The following TSHR variants were observed in gnomAD, a reference collection of about 807,000 sequenced individuals.
TSHR encodes the protein thyrotropin receptor.
TSHR carries 51 observed loss-of-function variants against 64.1 expected under a neutral mutation model. The ratio of observed to expected loss-of-function variants is 0.80; its 90% CI spans 0.64 to 1.01. The LOEUF (loss-of-function observed/expected upper bound fraction) is 1.01. TSHR is among the 50% of genes least tolerant of loss of function. The probability of loss-of-function intolerance (pLI) is 0.00; values close to 1 mark genes in which losing one functional copy is unlikely to be tolerated. For synonymous variants in TSHR, 361 were observed against 361.9 expected (o/e 1.00, Z 0.03); for missense variants, 877 against 942.8 (o/e 0.93, Z 0.91).
intron 9 of TSHR, among the ~76,000 whole-genome samples, chr14:81,142,365 G>A (rs1022482500): frequency 1.3e-5 from 2 of 151,472 alleles, no homozygotes; most frequent in Non-Finnish European, 2.9e-5. Flanking sequence ...AGTCACTACA[G>A]GTGTGAGCCA....
At chr14:81,031,601 T>G (rs1884350482) in intron 1 of TSHR, among the ~76,000 whole-genome samples, 1 of 152,192 alleles carries the variant, frequency 6.6e-6, no homozygotes, top group Non-Finnish European at 1.5e-5. Context: ...ATTATCCCTG[T>G]GATCCTTCGT....
intron 8 of TSHR, among the ~76,000 whole-genome samples, chr14:81,139,008 GA>G (rs1278345826): frequency 3.3e-5 from 5 of 152,124 alleles, no homozygotes; most frequent in African/African-American, 7.2e-5. Flanking sequence ...TTCCCAGCCT[GA>G]CCACCACCCC....
chr14:80,972,754 G>A lies in TSHR; in HGVS notation c.170+16904G>A, dbSNP rs147719358. On this transcript the variant is annotated intron_variant, in intron 1 of 9. Coordinates refer to ENST00000298171, the MANE Select transcript of TSHR (RefSeq NM_000369.5). ...TCAAAGGGGAGCTCGTGCCGATTAA[G>A]CAGTCATTCCCCATTCCCCACTCCT... is the stretch of plus-strand genomic sequence containing the variant. Among the ~76,000 whole-genome samples, 39 of 152,258 alleles carry A rather than the reference G, an allele frequency of 2.6e-4. 1 individual carries two copies. The highest frequency in any genetic ancestry group is 8.9e-4 in the African/African-American group (37 of 41,550).
chr14:81,114,662 C>G (rs572586594), intron 8 of TSHR, among the ~76,000 whole-genome samples: 148 of 152,332 alleles, frequency 9.7e-4, no homozygotes, highest in African/African-American at 3.4e-3. Context: ...GAAGCTCGAA[C>G]TGGGTGGAGC....
chr14:81,091,992 GAA>G (rs573790846), intron 5 of TSHR, among the ~76,000 whole-genome samples: 84 of 151,668 alleles, frequency 5.5e-4, no homozygotes, highest in African/African-American at 2.0e-3. Context: ...GGTTTTGCTA[GAA>G]AAAAAAATTG....
At chr14:80,976,469 T>G (rs899706980) in intron 1 of TSHR, among the ~76,000 whole-genome samples, 5 of 152,196 alleles carry the variant, frequency 3.3e-5, no homozygotes, top group African/African-American at 1.2e-4. Flanking sequence ...CTGCTGGTCT[T>G]GATGACTTAT....
chr14:80,966,049 A>T (rs944343100), intron 1 of TSHR, among the ~76,000 whole-genome samples: 7 of 152,216 alleles, frequency 4.6e-5, no homozygotes, highest in Non-Finnish European at 1.0e-4. Context: ...CTCTGTATTT[A>T]TATGACACAT....
chr14:81,120,068 T>C (rs1292558427), intron 8 of TSHR, among the ~76,000 whole-genome samples: 1 of 131,982 alleles, frequency 7.6e-6, no homozygotes. Context: ...TTGGGAGATA[T>C]ACCTAATGCT....
intron 1 of TSHR, among the ~76,000 whole-genome samples, chr14:81,019,753 T>G (rs1014592870): frequency 6.6e-6 from 1 of 152,182 alleles, no homozygotes; most frequent in Non-Finnish European, 1.5e-5. Flanking sequence ...AATGATGGTT[T>G]CCAGCTTCAC....
At chr14:81,074,482 G>A (rs1887345367) in intron 3 of TSHR, among the ~76,000 whole-genome samples, 2 of 152,124 alleles carry the variant, frequency 1.3e-5, no homozygotes, top group Admixed American at 1.3e-4. Context: ...ATGGTTTTGT[G>A]GGTATAAGGC....
intron 8 of TSHR, among the ~76,000 whole-genome samples, chr14:81,131,955 T>C (rs1240371948): frequency 1.4e-5 from 2 of 144,726 alleles, no homozygotes; most frequent in Admixed American, 6.7e-5. Flanking sequence ...AGAACTATAC[T>C]TGAGACATAG....
chr14:80,983,296 C>A, intron 1 of TSHR: 2 of 1,160,540 alleles, frequency 1.7e-6, no homozygotes, highest in Non-Finnish European at 1.2e-6. Flanking sequence ...CAACTGACTA[C>A]TGATTTTGTC....
Position 81,145,734 on chromosome 14 carries a change from C to T in TSHR, c.*1381C>T, listed in dbSNP as rs1891903486. The T allele has an allele frequency of 4.3e-6, 1 of 232,968 alleles. No homozygotes were observed. Among genetic ancestry groups the T allele is most frequent in the African/African-American group, 2.2e-5 (1 of 45,318 alleles). The allele number at this position is 232,968 out of a possible 1,614,324, so 14.4% of individuals were successfully genotyped here. On this transcript the variant is annotated 3_prime_UTR_variant, in exon 10 of 10. Coordinates refer to ENST00000298171, the MANE Select transcript of TSHR (RefSeq NM_000369.5). ...CTTTCCAGCCCTGTTGATCACTGGA[C>T]ATAAAGCTTCTTTTCCCCAATAATT...
At chr14:81,058,450 T>C (rs1885980987) in intron 1 of TSHR, among the ~76,000 whole-genome samples, 1 of 152,258 alleles carries the variant, frequency 6.6e-6, no homozygotes, top group Non-Finnish European at 1.5e-5. Context: ...CCACATAGGA[T>C]ACAAGACTAT....
rs550331424 is a variant in TSHR, at chr14:81,102,698, A to C, written c.615-5677A>C. The C allele has an allele frequency of 2.3e-5, 16 of 708,816 alleles. 1 individual carries two copies. In the South Asian group the frequency reaches 8.9e-4, roughly 39 times the overall value. 43.9% of individuals were successfully genotyped at this position (708,816 alleles called of 1,614,324 possible). A position where few individuals can be genotyped will look rare whatever the true frequency, so the allele number is the denominator to read the frequency against. ...ATGAGCATGGTTATGTTCCAATAAA[A>C]CTTTATTTACAAAAACAAGGGCAAG... On this transcript the variant is annotated intron_variant, in intron 7 of 9. Transcript: ENST00000298171.
chr14:81,047,980 A>C (rs1274863789), intron 1 of TSHR, among the ~76,000 whole-genome samples: 1 of 152,144 alleles, frequency 6.6e-6, no homozygotes, highest in Admixed American at 6.5e-5. Flanking sequence ...TATTAACTGA[A>C]TGCCTGCTAT....
intron 1 of TSHR, among the ~76,000 whole-genome samples, chr14:81,015,267 A>G (rs1048927268): frequency 2.6e-4 from 40 of 152,156 alleles, no homozygotes; most frequent in African/African-American, 9.4e-4. Context: ...CCTAAGGCTG[A>G]CAAAGAAGTT....
intron 2 of TSHR, among the ~76,000 whole-genome samples, chr14:81,067,442 G>T (rs1411822899): frequency 1.4e-5 from 2 of 147,808 alleles, no homozygotes; most frequent in East Asian, 4.0e-4. Flanking sequence ...CAAAGAACTG[G>T]AAATTTGCAC....
intron 1 of TSHR, among the ~76,000 whole-genome samples, chr14:80,967,251 C>A (rs1289959847): frequency 6.8e-6 from 1 of 146,550 alleles, no homozygotes; most frequent in African/African-American, 2.5e-5. Flanking sequence ...GGATTTTGAG[C>A]CACACACACA....
Sources: allele counts gnomAD v4.1 joint callset (sites outside exome capture counted in the v4.1 genomes callset), GRCh38; gene constraint gnomAD v4.1.1; transcripts MANE v1.5; gene names NCBI Gene and HGNC (gene_info 2026-07-23, HGNC 2026-07-21).